Variants in TENM3 observed in about 807,000 individuals in gnomAD.
TENM3 encodes the protein teneurin-3.
Under a neutral mutation model 255.1 loss-of-function variants are expected in TENM3, and 63 were observed. That is an observed-to-expected ratio of 0.25 (90% confidence interval 0.20 to 0.30). The LOEUF is 0.30. Ranked by LOEUF, TENM3 falls within the 10% of genes least tolerant of loss-of-function variation. The probability of loss-of-function intolerance (pLI) is 1.00; values close to 1 mark genes in which losing one functional copy is unlikely to be tolerated. For missense variants in TENM3, 2,929 were observed against 3,461.1 expected (o/e 0.85, Z 3.86); for synonymous variants, 1,306 against 1,322.3 (o/e 0.99, Z 0.27).
the TENM3 span, among the ~76,000 whole-genome samples, chr4:181,665,644 CAT>C: frequency 2.7e-5 from 4 of 149,694 alleles, no homozygotes; most frequent in South Asian, 4.3e-4. Context: ...CATACACACA[CAT>C]ATATACATAT....
intron 1 of TENM3, among the ~76,000 whole-genome samples, chr4:182,161,863 G>GTATATATACACA (rs1182562428): frequency 6.3e-5 from 1 of 15,762 alleles, no homozygotes; most frequent in Non-Finnish European, 2.0e-4. Flanking sequence ...ATATATATGT[G>GTATATATACACA]TATATATGTG....
At chr4:181,448,015 C>T in the TENM3 span, among the ~76,000 whole-genome samples, 16 of 151,758 alleles carry the variant, frequency 1.1e-4, no homozygotes, top group Admixed American at 8.5e-4. Context: ...AATGGAAACT[C>T]GCAAGCAGAG....
the TENM3 span, among the ~76,000 whole-genome samples, chr4:181,736,518 G>T: frequency 1.3e-5 from 2 of 151,728 alleles, no homozygotes; most frequent in African/African-American, 4.8e-5. Flanking sequence ...TACTAACGTG[G>T]CTGAGTTCTC....
the TENM3 span, among the ~76,000 whole-genome samples, chr4:181,458,118 C>A: frequency 6.6e-6 from 1 of 151,862 alleles, no homozygotes; most frequent in African/African-American, 2.4e-5. Flanking sequence ...GGAATAATAA[C>A]CTTCTAATCT....
chr4:182,351,100 T>TTA lies in TENM3; in HGVS notation c.511+4171_511+4172insTA, dbSNP rs58175028. 1.7e-3 allele frequency among the ~76,000 whole-genome samples: 252 copies of TTA among 151,652 alleles called. 1 individual carries two copies. The highest frequency in any genetic ancestry group is 3.7e-3 in the Admixed American group (57 of 15,214). On this transcript the variant is annotated intron_variant, in intron 3 of 27. Transcript: ENST00000511685. ...ACGTCAGGAACAAAGGGCTTTTTTT[T>TTA]ATTTTTTCAAAACATCAGTCTTTAA...
chr4:181,480,245 A>C, the TENM3 span, among the ~76,000 whole-genome samples: 1 of 152,112 alleles, frequency 6.6e-6, no homozygotes, highest in Non-Finnish European at 1.5e-5. Flanking sequence ...TTATTCATTC[A>C]GATTACCACC....
the TENM3 span, among the ~76,000 whole-genome samples, chr4:181,612,662 T>C: frequency 6.6e-6 from 1 of 152,168 alleles, no homozygotes; most frequent in Non-Finnish European, 1.5e-5. Flanking sequence ...TCCTTTTCTT[T>C]TTTTCTTTTT....
intron 3 of TENM3, among the ~76,000 whole-genome samples, chr4:182,541,618 G>A (rs1203672132): frequency 3.3e-5 from 5 of 152,174 alleles, no homozygotes; most frequent in African/African-American, 1.2e-4. Flanking sequence ...AGAGTAAGCT[G>A]TGTTTTCATA....
the TENM3 span, among the ~76,000 whole-genome samples, chr4:181,454,651 C>A: frequency 6.6e-5 from 2 of 30,084 alleles, no homozygotes; most frequent in Non-Finnish European, 1.4e-4. Flanking sequence ...TTCTGGTGTG[C>A]CTTTTCTATG....
the TENM3 span, among the ~76,000 whole-genome samples, chr4:182,036,050 AT>A: frequency 6.6e-6 from 1 of 152,040 alleles, no homozygotes; most frequent in Non-Finnish European, 1.5e-5. Flanking sequence ...CTCTTGCTCC[AT>A]CCAACCTAGA....
At chr4:182,176,699 A>G (rs2149717682) in intron 1 of TENM3, among the ~76,000 whole-genome samples, 1 of 151,496 alleles carries the variant, frequency 6.6e-6, no homozygotes, top group Admixed American at 6.6e-5. Context: ...ACGGAGTCTC[A>G]CTCTGTCACC....
the TENM3 span, among the ~76,000 whole-genome samples, chr4:181,508,185 A>G: frequency 1.3e-5 from 2 of 152,190 alleles, no homozygotes; most frequent in African/African-American, 4.8e-5. Context: ...GTGGAGTTGC[A>G]GGCACACCTG....
chr4:182,210,738 C>G (rs963825540), intron 1 of TENM3, among the ~76,000 whole-genome samples: 1 of 151,574 alleles, frequency 6.6e-6, no homozygotes, highest in Non-Finnish European at 1.5e-5. Context: ...TAAATCACTT[C>G]TTTTCTGCTG....
chr4:181,967,261 C>T, the TENM3 span, among the ~76,000 whole-genome samples: 2 of 152,134 alleles, frequency 1.3e-5, no homozygotes, highest in Admixed American at 1.3e-4. Context: ...AATATGGGTC[C>T]AGCACAGCCA....
Position 182,785,711 on chromosome 4 carries a change from A to C in TENM3, c.5305-3382A>C, listed in dbSNP as rs1765589947. Among the ~76,000 whole-genome samples, 2 of 125,558 alleles carry C rather than the reference A, an allele frequency of 1.6e-5. 1 individual carries two copies. Among genetic ancestry groups the C allele is most frequent in the Non-Finnish European group, 3.4e-5 (2 of 58,156 alleles). 82.4% of individuals were successfully genotyped at this position (125,558 alleles called of 152,430 possible). ...TGTCCCAGCCAGACCCTGTCTCAAG[A>C]TAAAAAAAAAAAAAAAAAAAAAGCC... On this transcript the variant is annotated intron_variant, in intron 24 of 27. Coordinates refer to ENST00000511685, the MANE Select transcript of TENM3 (RefSeq NM_001080477.4).
chr4:181,479,171 T>C, the TENM3 span, among the ~76,000 whole-genome samples: 10 of 152,212 alleles, frequency 6.6e-5, no homozygotes, highest in Non-Finnish European at 1.0e-4. Context: ...TAATTTAATA[T>C]GGTTATTTTA....
intron 1 of TENM3, among the ~76,000 whole-genome samples, chr4:182,195,646 A>T (rs1264086211): frequency 1.3e-5 from 2 of 152,158 alleles, no homozygotes; most frequent in African/African-American, 4.8e-5. Context: ...TCTCTTAAAA[A>T]ATATAAAAAA....
chr4:182,105,040 C>T, the TENM3 span, among the ~76,000 whole-genome samples: 1 of 152,090 alleles, frequency 6.6e-6, no homozygotes, highest in African/African-American at 2.4e-5. Flanking sequence ...GGGGAAAGCT[C>T]ATTTCTACAG....
At chr4:182,600,370 T>G (rs760829796) in intron 3 of TENM3, among the ~76,000 whole-genome samples, 3 of 152,192 alleles carry the variant, frequency 2.0e-5, no homozygotes, top group Non-Finnish European at 4.4e-5. Context: ...CATCTATTAG[T>G]AGATCATAGT....
Sources: gnomAD v4.1 joint callset for allele counts (sites outside exome capture counted in the v4.1 genomes callset) on GRCh38, gnomAD v4.1.1 for gene constraint, MANE v1.5 for transcripts, NCBI Gene and HGNC (gene_info 2026-07-23, HGNC 2026-07-21) for gene names.